Variants in CACNA1C observed in about 807,000 individuals in gnomAD.
CACNA1C encodes the protein voltage-dependent L-type calcium channel subunit alpha-1C.
In CACNA1C, 30 loss-of-function variants were observed where a neutral mutation model predicts 229.0. The observed-to-expected ratio is 0.13, with a 90% CI of 0.10 to 0.18. The LOEUF (loss-of-function observed/expected upper bound fraction) is 0.18, where lower values mean the gene tolerates loss of function less well. CACNA1C is among the 10% of genes least tolerant of loss of function. CACNA1C has a pLI of 1.00. For synonymous variants in CACNA1C, 1,114 were observed against 1,132.5 expected (o/e 0.98, Z 0.33); for missense variants, 1,658 against 2,845.0 (o/e 0.58, Z 9.49).
At chr12:2,180,590 C>T (rs1247183714) in intron 3 of CACNA1C, among the ~76,000 whole-genome samples, 2 of 152,214 alleles carry the variant, frequency 1.3e-5, no homozygotes, top group Admixed American at 1.3e-4. Context: ...TACAGTGGCT[C>T]AGTTCCCAGA....
intron 3 of CACNA1C, among the ~76,000 whole-genome samples, chr12:2,265,475 G>A (rs1251077251): frequency 6.6e-6 from 1 of 152,180 alleles, no homozygotes; most frequent in African/African-American, 2.4e-5. Flanking sequence ...GTGGGGGGCT[G>A]GAACGTTGGC....
chr12:2,500,130 C>T (rs1203165494), intron 7 of CACNA1C, among the ~76,000 whole-genome samples: 2 of 152,190 alleles, frequency 1.3e-5, no homozygotes, highest in Admixed American at 1.3e-4. Flanking sequence ...CATCTGTCCT[C>T]CTGCTTCCTG....
At chr12:2,248,124 A>T (rs543383686) in intron 3 of CACNA1C, among the ~76,000 whole-genome samples, 80 of 152,324 alleles carry the variant, frequency 5.3e-4, no homozygotes, top group African/African-American at 1.7e-3. Flanking sequence ...TAGCTAACCT[A>T]GGAAGGTTTG....
At chr12:2,539,150 G>T (rs568997749) in intron 9 of CACNA1C, among the ~76,000 whole-genome samples, 1 of 152,184 alleles carries the variant, frequency 6.6e-6, no homozygotes, top group Non-Finnish European at 1.5e-5. Context: ...GTGCCGTAGG[G>T]GTATGTCGGT....
At chr12:2,276,193 A>G (rs903391315) in intron 3 of CACNA1C, among the ~76,000 whole-genome samples, 3 of 152,146 alleles carry the variant, frequency 2.0e-5, no homozygotes, top group African/African-American at 7.2e-5. Flanking sequence ...AGGCAAGGAT[A>G]TGCTTAAGAA....
intron 3 of CACNA1C, among the ~76,000 whole-genome samples, chr12:2,241,547 C>T (rs1555355797): frequency 6.6e-6 from 1 of 152,222 alleles, no homozygotes; most frequent in African/African-American, 2.4e-5. Context: ...TTCTCATGCT[C>T]AAGTTCCTCT....
intron 1 of CACNA1C, among the ~76,000 whole-genome samples, chr12:2,102,951 A>G (rs559858682): frequency 1.1e-4 from 16 of 152,338 alleles, no homozygotes; most frequent in African/African-American, 3.8e-4. Context: ...TCCATGGCAT[A>G]TATGTGCCAC....
chr12:2,572,269 C>A (rs2054922206), intron 13 of CACNA1C, among the ~76,000 whole-genome samples: 1 of 149,168 alleles, frequency 6.7e-6, no homozygotes, highest in South Asian at 2.1e-4. Flanking sequence ...TACTGCCCTT[C>A]ATATGCAATC....
chr12:2,072,388 CG>C (rs1315204477), intron 1 of CACNA1C, among the ~76,000 whole-genome samples: 1 of 151,920 alleles, frequency 6.6e-6, no homozygotes, highest in Non-Finnish European at 1.5e-5. Context: ...TTAGTAGAGA[CG>C]GGGTTTCACT....
chr12:2,308,003 C>T (rs913985501), intron 3 of CACNA1C, among the ~76,000 whole-genome samples: 4 of 152,208 alleles, frequency 2.6e-5, no homozygotes, highest in Non-Finnish European at 4.4e-5. Context: ...CCAGCACACC[C>T]TCTTCCCACC....
chr12:2,265,388 C>T (rs773975558), intron 3 of CACNA1C, among the ~76,000 whole-genome samples: 27 of 152,192 alleles, frequency 1.8e-4, no homozygotes, highest in Non-Finnish European at 3.7e-4. Context: ...GTGCTTGATG[C>T]TTCATCCCAA....
rs529882543 is a variant in CACNA1C at position 2,397,955 on chromosome 12, A to G, written c.478-51021A>G. 1.4e-4 allele frequency among the ~76,000 whole-genome samples: 22 copies of G among 152,354 alleles called. No individual in the cohort carries two copies. The East Asian group carries it at 4.1e-3, about 28-fold the overall frequency. On this transcript the variant is annotated intron_variant, in intron 3 of 46. Transcript: ENST00000399655. Reference sequence around the variant, plus strand: ...GAAGGACTTTGAAGTGTGGTGCCCCAAAGGGCTGGTCCAGGAGGCCCCTGC... The same window carrying G: ...GAAGGACTTTGAAGTGTGGTGCCCCGAAGGGCTGGTCCAGGAGGCCCCTGC...
intron 1 of CACNA1C, among the ~76,000 whole-genome samples, chr12:2,103,827 A>G (rs1234686356): frequency 6.6e-6 from 1 of 152,222 alleles, no homozygotes; most frequent in Non-Finnish European, 1.5e-5. Context: ...CATTTATTAA[A>G]TAGGGAATCC....
intron 11 of CACNA1C, among the ~76,000 whole-genome samples, chr12:2,565,217 C>T (rs1269027795): frequency 3.9e-5 from 6 of 151,934 alleles, no homozygotes; most frequent in African/African-American, 1.5e-4. Context: ...GCCTGTAATC[C>T]CAGCACTTTG....
chr12:2,235,683 G>A (rs994138705), intron 3 of CACNA1C, among the ~76,000 whole-genome samples: 1 of 152,130 alleles, frequency 6.6e-6, no homozygotes, highest in South Asian at 2.1e-4. Context: ...TGGCCCCCTT[G>A]GGAATCAGTT....
At chr12:2,405,528 G>A (rs1043553581) in intron 3 of CACNA1C, among the ~76,000 whole-genome samples, 3 of 152,076 alleles carry the variant, frequency 2.0e-5, no homozygotes, top group Admixed American at 6.5e-5. Context: ...CTGTGGATTC[G>A]TTGAACATTT....
intron 3 of CACNA1C, among the ~76,000 whole-genome samples, chr12:2,317,545 G>A (rs7132652): frequency 0.12 from 18,800 of 152,138 alleles, 1,299 homozygotes; most frequent in African/African-American, 0.18. Context: ...AGTTTTGCAA[G>A]ATGAAAAGCC....
In CACNA1C at chr12:2,585,233, C is replaced by T. The variant is rs1027477531; in HGVS notation, c.2340-143C>T. On this transcript the variant is annotated intron_variant, in intron 16 of 46. Transcript: ENST00000399655. This position sits in a 1 kb window ranked among gnomAD's most constrained non-coding sequence, Gnocchi z 4.1. ...TTGTGACTGAGCTGCACACGAGAAGCGTCCTGGAGAAAGGAAGATGGACTC... is the reference window on the plus strand; with the variant it reads ...TTGTGACTGAGCTGCACACGAGAAGTGTCCTGGAGAAAGGAAGATGGACTC... 3.2e-5 allele frequency: 22 copies of T among 691,748 alleles called. No homozygotes were observed. Among genetic ancestry groups the T allele is most frequent in the Non-Finnish European group, 3.8e-5 (17 of 447,680 alleles). 42.9% of individuals were successfully genotyped at this position (691,748 alleles called of 1,614,324 possible).
chr12:1,977,025 C>G (rs1182897143), intron 1 of CACNA1C, among the ~76,000 whole-genome samples: 1 of 152,094 alleles, frequency 6.6e-6, no homozygotes, highest in African/African-American at 2.4e-5. Flanking sequence ...GAAAACAACC[C>G]TCAGTTATCT....
Sources: allele counts gnomAD v4.1 joint callset (sites outside exome capture counted in the v4.1 genomes callset), GRCh38; gene constraint gnomAD v4.1.1; non-coding constraint Gnocchi (gnomAD v3.1); transcripts MANE v1.5; gene names NCBI Gene and HGNC (gene_info 2026-07-23, HGNC 2026-07-21).